The following ENDOD1 variants were observed in gnomAD, a reference collection of about 807,000 sequenced individuals.
The protein encoded by ENDOD1 is endonuclease domain containing 1.
In ENDOD1, 9 loss-of-function variants were observed where a neutral mutation model predicts 6.5. The observed-to-expected ratio is 1.39, with a 90% CI of 0.84 to 2.43. The LOEUF is 2.43. Ranked by LOEUF, ENDOD1 falls within the 30% of genes most tolerant of loss-of-function variation. The probability of loss-of-function intolerance (pLI) is 0.00; values close to 1 mark genes in which losing one functional copy is unlikely to be tolerated. For synonymous variants in ENDOD1, 255 were observed against 255.2 expected, an observed-to-expected ratio of 1.00 and a Z score of 0.01; for missense variants, 648 against 635.5, an observed-to-expected ratio of 1.02 and a Z score of -0.21.
At chr11:95,116,085 C>T (rs550430478) in intron 1 of ENDOD1, among the ~76,000 whole-genome samples, 2 of 152,148 alleles carry the variant, frequency 1.3e-5, no homozygotes, top group Admixed American at 1.3e-4. Flanking sequence ...CTTTAAGTGC[C>T]TGGTAGAATT....
chr11:95,105,225 A>G lies in ENDOD1; in HGVS notation c.300+14998A>G, dbSNP rs535345032. Among the ~76,000 whole-genome samples, 7 of 152,308 alleles carry G rather than the reference A, an allele frequency of 4.6e-5. No individual in the cohort carries two copies. In the East Asian group the frequency reaches 1.2e-3, roughly 25 times the overall value. On this transcript the variant is annotated intron_variant, in intron 1 of 1. Coordinates refer to ENST00000278505, the MANE Select transcript of ENDOD1 (RefSeq NM_015036.3). Reference sequence around the variant, plus strand: ...AAACTACAGTTGTTTCTTGGTATCCATGAGGGATTGGTTCCAGGACTCCCT... The same window carrying G: ...AAACTACAGTTGTTTCTTGGTATCCGTGAGGGATTGGTTCCAGGACTCCCT...
chr11:95,110,582 T>TGTG (rs1859139021), intron 1 of ENDOD1, among the ~76,000 whole-genome samples: 6 of 135,982 alleles, frequency 4.4e-5, no homozygotes, highest in African/African-American at 1.5e-4. Context: ...TCCGTGTATG[T>TGTG]ATGTGTGTGT....
chr11:95,095,836 C>T (rs1858978510), intron 1 of ENDOD1, among the ~76,000 whole-genome samples: 1 of 152,178 alleles, frequency 6.6e-6, no homozygotes, highest in African/African-American at 2.4e-5. Context: ...TGCCCAAATC[C>T]AAAGCTCTTA....
At chr11:95,106,568 A>G (rs1299642272) in intron 1 of ENDOD1, among the ~76,000 whole-genome samples, 1 of 152,224 alleles carries the variant, frequency 6.6e-6, no homozygotes, top group Non-Finnish European at 1.5e-5. Flanking sequence ...TAGCAAAAGT[A>G]GACTTCTCAC....
intron 1 of ENDOD1, among the ~76,000 whole-genome samples, chr11:95,105,796 T>A (rs1324923954): frequency 6.6e-6 from 1 of 151,792 alleles, no homozygotes; most frequent in Non-Finnish European, 1.5e-5. Context: ...ATTATTAAAT[T>A]TTTTCCCTGA....
At position 95,128,501 on chromosome 11, in the gene ENDOD1, G is replaced by A. The variant is rs770176265; in HGVS notation, c.425G>A (p.Gly142Glu). The change falls in exon 2 of 2, where the codon GGA (glycine) becomes GAA (glutamate). Residue 142 changes from glycine (G) to glutamate (E), a missense_variant. Physicochemically the swap from Gly to Glu is moderately conservative, Grantham distance 98. Transcript: ENST00000278505. Reference protein sequence around the residue: ...TDYLDSDYQRGQLYPFSLSSD... With the variant: ...TDYLDSDYQREQLYPFSLSSD... Reference sequence around the variant, plus strand: ...TACCTTGATTCTGATTACCAAAGAGGACAGCTTTACCCATTCTCCCTTAGC... The same window carrying A: ...TACCTTGATTCTGATTACCAAAGAGAACAGCTTTACCCATTCTCCCTTAGC... The A allele has an allele frequency of 6.2e-7, 1 of 1,614,198 alleles. No homozygotes were observed. The highest frequency in any genetic ancestry group is 1.1e-5 in the South Asian group (1 of 91,076).
chr11:95,116,041 T>C (rs1035990167), intron 1 of ENDOD1, among the ~76,000 whole-genome samples: 2 of 152,190 alleles, frequency 1.3e-5, no homozygotes, highest in African/African-American at 4.8e-5. Context: ...CTCTGTTTTT[T>C]GGAATAGTTT....
chr11:95,111,883 A>C (rs1223583393), intron 1 of ENDOD1, among the ~76,000 whole-genome samples: 5 of 151,986 alleles, frequency 3.3e-5, no homozygotes, highest in Non-Finnish European at 7.4e-5. Flanking sequence ...TGTTCCCTTT[A>C]CCTTGCATGG....
chr11:95,128,086 ACAT>A (rs1219005803), intron 1 of ENDOD1, among the ~76,000 whole-genome samples: 1 of 152,208 alleles, frequency 6.6e-6, no homozygotes, highest in Non-Finnish European at 1.5e-5. Flanking sequence ...TTTAAAAAGA[ACAT>A]CACGATGGTG....
chr11:95,118,704 G>C (rs1199815696), intron 1 of ENDOD1, among the ~76,000 whole-genome samples: 1 of 152,078 alleles, frequency 6.6e-6, no homozygotes, highest in Admixed American at 6.6e-5. Flanking sequence ...TCTTTCTCTA[G>C]GTTTGGGAAG....
intron 1 of ENDOD1, among the ~76,000 whole-genome samples, chr11:95,099,606 T>C (rs1268014317): frequency 6.6e-6 from 1 of 152,248 alleles, no homozygotes; most frequent in Non-Finnish European, 1.5e-5. Flanking sequence ...AACCCAGTAA[T>C]GCAGTAAGTC....
chr11:95,117,783 T>G (rs1859225192), intron 1 of ENDOD1, among the ~76,000 whole-genome samples: 1 of 152,150 alleles, frequency 6.6e-6, no homozygotes, highest in South Asian at 2.1e-4. Context: ...AAGTAAGGAC[T>G]TACCCCTGCC....
intron 1 of ENDOD1, among the ~76,000 whole-genome samples, chr11:95,106,763 C>T (rs1859092891): frequency 6.6e-6 from 1 of 152,022 alleles, no homozygotes; most frequent in South Asian, 2.1e-4. Context: ...TTAAGCTTAG[C>T]CAGGGCACTC....
chr11:95,117,058 G>A (rs985799251), intron 1 of ENDOD1, among the ~76,000 whole-genome samples: 4 of 152,224 alleles, frequency 2.6e-5, no homozygotes, highest in Non-Finnish European at 4.4e-5. Context: ...AAAGTGGTGT[G>A]TAGAAATCTT....
intron 1 of ENDOD1, among the ~76,000 whole-genome samples, chr11:95,103,806 T>G (rs150609381): frequency 2.0e-5 from 3 of 152,338 alleles, no homozygotes; most frequent in Non-Finnish European, 2.9e-5. Flanking sequence ...GGAGACAATG[T>G]GTGCAAAAAG....
rs1859349005 is a variant in ENDOD1, at chr11:95,129,485, C to T, written c.1409C>T (p.Ala470Val). The T allele has an allele frequency of 6.2e-7, 1 of 1,614,068 alleles. No homozygotes were observed. Among genetic ancestry groups the T allele is most frequent in the African/African-American group, 1.3e-5 (1 of 74,910 alleles). Residue 470 changes from alanine to valine, a missense_variant, in exon 2 of 2, where the codon GCT becomes GTT. Transcript: ENST00000278505. ...GGTVSLLFDT[A>V]FGTLGGLFQV... ...ACTGTCTCACTGCTCTTTGACACTG[C>T]TTTTGGTACCCTGGGTGGCCTATTT...
At chr11:95,122,617 C>CACAT (rs1452415586) in intron 1 of ENDOD1, among the ~76,000 whole-genome samples, 1 of 150,672 alleles carries the variant, frequency 6.6e-6, no homozygotes. Context: ...CACACACACA[C>CACAT]ACACACAGAC....
chr11:95,099,061 T>C (rs782050209), intron 1 of ENDOD1, among the ~76,000 whole-genome samples: 34 of 152,174 alleles, frequency 2.2e-4, no homozygotes, highest in Non-Finnish European at 3.7e-4. Flanking sequence ...TGTACCTTTG[T>C]GGCTATAGGA....
intron 1 of ENDOD1, among the ~76,000 whole-genome samples, chr11:95,100,213 C>G (rs1202688175): frequency 6.6e-6 from 1 of 152,098 alleles, no homozygotes; most frequent in Non-Finnish European, 1.5e-5. Context: ...AACTCTAGGG[C>G]CCAAGTTCCC....
Sources: gnomAD v4.1 joint callset for allele counts (sites outside exome capture counted in the v4.1 genomes callset) on GRCh38, gnomAD v4.1.1 for gene constraint, MANE v1.5 for transcripts, NCBI Gene and HGNC (gene_info 2026-07-23, HGNC 2026-07-21) for gene names.